The following YWHAQ variants were observed in gnomAD, a reference collection of about 807,000 sequenced individuals.
YWHAQ encodes the protein tyrosine 3-monooxygenase/tryptophan 5-monooxygenase activation protein theta, also known as 14-3-3 protein theta.
In YWHAQ, 6 loss-of-function variants were observed where a neutral mutation model predicts 28.3. The observed-to-expected ratio is 0.21, with a 90% CI of 0.12 to 0.42. The LOEUF is 0.42. YWHAQ is among the 10% of genes least tolerant of loss of function. The probability of loss-of-function intolerance (pLI) is 1.00; values close to 1 mark genes in which losing one functional copy is unlikely to be tolerated. For synonymous variants in YWHAQ, 143 were observed against 119.1 expected (o/e 1.20, Z -1.31); for missense variants, 201 against 305.6 (o/e 0.66, Z 2.55).
chr2:9,601,295 CTACTAATAA>C (rs1200607412), intron 2 of YWHAQ, among the ~76,000 whole-genome samples: 1 of 152,044 alleles, frequency 6.6e-6, no homozygotes, highest in Non-Finnish European at 1.5e-5. Flanking sequence ...AACCCCGTCT[CTACTAATAA>C]TACAAAAATT....
At chr2:9,601,140 T>C (rs1332729883) in intron 2 of YWHAQ, among the ~76,000 whole-genome samples, 5 of 152,194 alleles carry the variant, frequency 3.3e-5, no homozygotes, top group Non-Finnish European at 7.3e-5. Context: ...GAAGACATTG[T>C]GTGGTCATCC....
rs540176749 is a variant in YWHAQ at position 9,619,612 on chromosome 2, A to T, written c.294+10547T>A. On this transcript the variant is annotated intron_variant, in intron 2 of 5. Transcript: ENST00000238081. ...GTAAAAAAATTAAAAATATATTAAAAATTTAATTATGTAAAAAGTAACTTC... is the reference window on the plus strand; with the variant it reads ...GTAAAAAAATTAAAAATATATTAAATATTTAATTATGTAAAAAGTAACTTC... Among the ~76,000 whole-genome samples, 442 of 152,224 alleles carry T rather than the reference A, an allele frequency of 2.9e-3. 4 individuals are homozygous for T. Among genetic ancestry groups the T allele is most frequent in the African/African-American group, 9.9e-3 (411 of 41,540 alleles).
In YWHAQ at chr2:9,630,558, GC is replaced by G; in HGVS notation, c.-82-25del. 1 of 1,189,976 alleles carries G rather than the reference GC, an allele frequency of 8.4e-7. No homozygotes were observed. The highest frequency in any genetic ancestry group is 1.1e-6 in the Non-Finnish European group (1 of 879,042). 73.7% of individuals were successfully genotyped at this position (1,189,976 alleles called of 1,614,324 possible). ...AGCTGCGGAGGGGCGGGGCGGCGAG[GC>G]GAGAACAAAAAGCAGAGAGGGAGCG... On this transcript the variant is annotated intron_variant, in intron 1 of 5. Transcript: ENST00000238081. This position sits in a 1 kb window ranked among gnomAD's most constrained non-coding sequence, Gnocchi z 5.6.
intron 2 of YWHAQ, among the ~76,000 whole-genome samples, chr2:9,619,128 A>G (rs975811813): frequency 6.6e-6 from 1 of 152,218 alleles, no homozygotes; most frequent in Non-Finnish European, 1.5e-5. Flanking sequence ...AAAGAAAACT[A>G]CAGTAGTTTC....
chr2:9,586,759 T>C (rs1666350361), intron 5 of YWHAQ, among the ~76,000 whole-genome samples: 1 of 152,350 alleles, frequency 6.6e-6, no homozygotes, highest in Admixed American at 6.5e-5. Context: ...GGACGAGATC[T>C]ATATTAAAAG....
intron 2 of YWHAQ, among the ~76,000 whole-genome samples, chr2:9,617,578 T>C (rs532646704): frequency 6.6e-6 from 1 of 152,276 alleles, no homozygotes; most frequent in East Asian, 1.9e-4. Context: ...ACCACTGAAC[T>C]GTAGCTTAAG....
At chr2:9,601,749 G>A (rs1190104757) in intron 2 of YWHAQ, among the ~76,000 whole-genome samples, 2 of 152,078 alleles carry the variant, frequency 1.3e-5, no homozygotes, top group African/African-American at 2.4e-5. Flanking sequence ...GGGTTCAAGC[G>A]ATTCTCCGGC....
intron 2 of YWHAQ, among the ~76,000 whole-genome samples, chr2:9,622,752 T>A (rs1667167025): frequency 6.6e-6 from 1 of 152,230 alleles, no homozygotes; most frequent in African/African-American, 2.4e-5. Context: ...GGTATTATCA[T>A]CATTTTGTCT....
At chr2:9,596,887 C>G (rs977951798) in intron 2 of YWHAQ, among the ~76,000 whole-genome samples, 2 of 152,114 alleles carry the variant, frequency 1.3e-5, no homozygotes, top group Admixed American at 6.6e-5. Context: ...TCAAGGGATC[C>G]GCCCTCTTCA....
At chr2:9,597,290 G>A (rs1196674920) in intron 2 of YWHAQ, among the ~76,000 whole-genome samples, 3 of 152,018 alleles carry the variant, frequency 2.0e-5, no homozygotes, top group African/African-American at 4.8e-5. Flanking sequence ...AAATATTTTC[G>A]ATCATTAATA....
intron 2 of YWHAQ, among the ~76,000 whole-genome samples, chr2:9,598,719 G>A (rs1415789108): frequency 1.3e-5 from 2 of 152,164 alleles, no homozygotes; most frequent in African/African-American, 4.8e-5. Context: ...GATATATGCT[G>A]TGTCTGTTCT....
chr2:9,601,637 A>C (rs1263134030), intron 2 of YWHAQ, among the ~76,000 whole-genome samples: 1 of 152,096 alleles, frequency 6.6e-6, no homozygotes, highest in Non-Finnish European at 1.5e-5. Context: ...AACTAAGAGC[A>C]GTTCTTAAGA....
chr2:9,588,614 T>A (rs1666396452), intron 3 of YWHAQ, among the ~76,000 whole-genome samples: 1 of 151,868 alleles, frequency 6.6e-6, no homozygotes, highest in Non-Finnish European at 1.5e-5. Context: ...CTACTAAAAA[T>A]ACAAAAATTA....
intron 2 of YWHAQ, among the ~76,000 whole-genome samples, chr2:9,607,897 A>G (rs947554480): frequency 1.3e-5 from 2 of 151,680 alleles, no homozygotes; most frequent in African/African-American, 4.8e-5. Flanking sequence ...TTTTTAGTAG[A>G]GACGGGGTTT....
rs1553372565 is a variant in YWHAQ at position 9,593,898 on chromosome 2, T to TATAA, written c.295-2384_295-2383insTTAT. 4.3e-3 allele frequency among the ~76,000 whole-genome samples: 526 copies of TATAA among 121,476 alleles called. 3 individuals carry two copies. The highest frequency in any genetic ancestry group is 0.016 in the African/African-American group (489 of 30,592). The allele number at this position is 121,476 out of a possible 152,430, so 79.7% of individuals were successfully genotyped here. A position where few individuals can be genotyped will look rare whatever the true frequency, so the allele number is the denominator to read the frequency against. ...AATTGAAAAAATATTTTAAATAGAT[T>TATAA]AAAAAAAATATATATATATATATAT... On this transcript the variant is annotated intron_variant, in intron 2 of 5. Coordinates refer to ENST00000238081, the MANE Select transcript of YWHAQ (RefSeq NM_006826.4).
Position 9,618,183 on chromosome 2 carries a change from C to T in YWHAQ, c.294+11976G>A, listed in dbSNP as rs187499925. On this transcript the variant is annotated intron_variant, in intron 2 of 5. Coordinates refer to ENST00000238081, the MANE Select transcript of YWHAQ (RefSeq NM_006826.4). ...AACGTTCTGGAATTAATAATGATGG[C>T]TGCACAACTTTGTGAATAAACTAAA... is the stretch of plus-strand genomic sequence containing the variant. Among the ~76,000 whole-genome samples, 30 of 152,156 alleles carry T rather than the reference C, an allele frequency of 2.0e-4. No individual in the cohort carries two copies. In the East Asian group the frequency reaches 4.4e-3, roughly 23 times the overall value.
intron 2 of YWHAQ, among the ~76,000 whole-genome samples, chr2:9,625,511 T>C (rs1667232599): frequency 6.6e-6 from 1 of 152,194 alleles, no homozygotes; most frequent in African/African-American, 2.4e-5. Flanking sequence ...TGGTCTTAAG[T>C]GAGCTGCCAT....
At chr2:9,604,126 T>G (rs1250709429) in intron 2 of YWHAQ, among the ~76,000 whole-genome samples, 1 of 152,110 alleles carries the variant, frequency 6.6e-6, no homozygotes, top group Admixed American at 6.6e-5. Context: ...GCTCCCCACC[T>G]GAGCAGAAAC....
intron 2 of YWHAQ, among the ~76,000 whole-genome samples, chr2:9,595,743 G>T (rs1325295069): frequency 6.7e-6 from 1 of 148,408 alleles, no homozygotes; most frequent in Non-Finnish European, 1.5e-5. Context: ...AGTATAGTTA[G>T]ATGTTCCCCC....
Sources: gnomAD v4.1 joint callset for allele counts (sites outside exome capture counted in the v4.1 genomes callset) on GRCh38, gnomAD v4.1.1 for gene constraint, Gnocchi (gnomAD v3.1) non-coding constraint, MANE v1.5 for transcripts, NCBI Gene and HGNC (gene_info 2026-07-23, HGNC 2026-07-21) for gene names.